The following HS6ST3 variants were observed in gnomAD, a reference collection of about 807,000 sequenced individuals.
HS6ST3 encodes heparan-sulfate 6-O-sulfotransferase 3.
HS6ST3 carries 12 observed loss-of-function variants against 36.7 expected under a neutral mutation model. That is an observed-to-expected ratio of 0.33 (90% confidence interval 0.21 to 0.53). The LOEUF (loss-of-function observed/expected upper bound fraction) is 0.53, where lower values mean the gene tolerates loss of function less well. Among genes scored for constraint, HS6ST3 ranks in the 20% least tolerant of loss-of-function variants. The pLI, the probability that HS6ST3 is intolerant of heterozygous loss-of-function variation, is 0.95. For synonymous variants in HS6ST3, 240 were observed against 257.5 expected (o/e 0.93, Z 0.65); for missense variants, 584 against 640.9 (o/e 0.91, Z 0.96).
chr13:96,582,473 T>C (rs1165991690), intron 1 of HS6ST3, among the ~76,000 whole-genome samples: 2 of 152,208 alleles, frequency 1.3e-5, no homozygotes, highest in East Asian at 3.8e-4. Context: ...CAAGATCTTG[T>C]ACTTGAGATT....
chr13:96,820,283 G>GT (rs1878504099), intron 1 of HS6ST3, among the ~76,000 whole-genome samples: 1 of 152,134 alleles, frequency 6.6e-6, no homozygotes, highest in African/African-American at 2.4e-5. Context: ...GCTTTAGGTT[G>GT]TTTTTTAAAT....
chr13:96,624,371 TA>T (rs139603714), intron 1 of HS6ST3, among the ~76,000 whole-genome samples: 1,642 of 152,332 alleles, frequency 0.011, 21 homozygotes, highest in African/African-American at 0.025. Context: ...ATAAACCATA[TA>T]TTTTTTTTAG....
At chr13:96,194,533 A>C (rs2054303176) in intron 1 of HS6ST3, among the ~76,000 whole-genome samples, 2 of 152,150 alleles carry the variant, frequency 1.3e-5, no homozygotes, top group African/African-American at 4.8e-5. Context: ...ATATCTTGAT[A>C]TACATCTACA....
At position 96,815,207 on chromosome 13, in the gene HS6ST3, C is replaced by T. The variant is rs574055146; in HGVS notation, c.708-17283C>T. On this transcript the variant is annotated intron_variant, in intron 1 of 1. Transcript: ENST00000376705. ...ACACCGTGCCAGGCCTCTTCTCTTT[C>T]GTCTGGAAGTCTCAGCTGTTTTTTG... is the stretch of plus-strand genomic sequence containing the variant. Among the ~76,000 whole-genome samples the T allele has an allele frequency of 3.3e-5, 5 of 152,296 alleles. No homozygotes were observed. In the East Asian group the frequency reaches 5.8e-4, roughly 18 times the overall value.
chr13:96,405,997 A>G (rs2055476548), intron 1 of HS6ST3, among the ~76,000 whole-genome samples: 1 of 152,196 alleles, frequency 6.6e-6, no homozygotes, highest in African/African-American at 2.4e-5. Flanking sequence ...ACTTTGGAGA[A>G]TGCTTTTTAT....
At position 96,090,691 on chromosome 13, in the gene HS6ST3, A is replaced by C. The variant is rs2053756678; in HGVS notation, c.-172A>C. Reference sequence around the variant, plus strand: ...CCCGGCTCGCAGGCCCCGGCTCCTCAAGCCCCGAGGGCCGCGGGGCCGCCA... The same window carrying C: ...CCCGGCTCGCAGGCCCCGGCTCCTCCAGCCCCGAGGGCCGCGGGGCCGCCA... On this transcript the variant is annotated 5_prime_UTR_variant, in exon 1 of 2. Coordinates refer to ENST00000376705, the MANE Select transcript of HS6ST3 (RefSeq NM_153456.4). The C allele has an allele frequency of 3.7e-6, 1 of 266,958 alleles. No homozygotes were observed. The highest frequency in any genetic ancestry group is 2.3e-5 in the African/African-American group (1 of 43,134). The allele number at this position is 266,958 out of a possible 1,614,324, so 16.5% of individuals were successfully genotyped here.
intron 1 of HS6ST3, among the ~76,000 whole-genome samples, chr13:96,765,329 C>G (rs1877079758): frequency 6.6e-6 from 1 of 152,054 alleles, no homozygotes; most frequent in Non-Finnish European, 1.5e-5. Context: ...TCCTTGGCCT[C>G]CCAAAGTGCT....
chr13:96,768,361 C>G (rs67817597), intron 1 of HS6ST3, among the ~76,000 whole-genome samples: 5,273 of 152,170 alleles, frequency 0.035, 288 homozygotes, highest in African/African-American at 0.11. Context: ...AAAGTAATTG[C>G]CGACAGTGAT....
intron 1 of HS6ST3, among the ~76,000 whole-genome samples, chr13:96,537,030 C>T (rs2056158254): frequency 6.6e-6 from 1 of 152,182 alleles, no homozygotes; most frequent in Admixed American, 6.5e-5. Context: ...GAATAAAGCA[C>T]TTCTCTCTTG....
chr13:96,825,482 T>C (rs759204411), intron 1 of HS6ST3, among the ~76,000 whole-genome samples: 9 of 152,146 alleles, frequency 5.9e-5, no homozygotes, highest in Non-Finnish European at 1.3e-4. Context: ...GGCGGGTGCA[T>C]GGCATTTCCT....
intron 1 of HS6ST3, among the ~76,000 whole-genome samples, chr13:96,804,597 C>T (rs1594864306): frequency 6.6e-6 from 1 of 152,212 alleles, no homozygotes; most frequent in East Asian, 1.9e-4. Flanking sequence ...CTTAGGTTAC[C>T]TACAAAACCT....
At chr13:96,288,944 G>T (rs1015188541) in intron 1 of HS6ST3, among the ~76,000 whole-genome samples, 21 of 151,946 alleles carry the variant, frequency 1.4e-4, no homozygotes, top group Admixed American at 1.3e-4. Context: ...GGCTAGAATT[G>T]ATGAGGGAAG....
At chr13:96,639,091 T>C (rs2056561072) in intron 1 of HS6ST3, among the ~76,000 whole-genome samples, 2 of 152,018 alleles carry the variant, frequency 1.3e-5, no homozygotes, top group South Asian at 2.1e-4. Flanking sequence ...TGTAGAGTTA[T>C]TCAAGATTTC....
chr13:96,293,322 C>A (rs1452451528), intron 1 of HS6ST3, among the ~76,000 whole-genome samples: 2 of 151,968 alleles, frequency 1.3e-5, no homozygotes, highest in Admixed American at 6.6e-5. Flanking sequence ...AGAATAAGGG[C>A]CATAAGTGGA....
chr13:96,427,696 T>C (rs1158437193), intron 1 of HS6ST3, among the ~76,000 whole-genome samples: 32 of 152,326 alleles, frequency 2.1e-4, no homozygotes, highest in Non-Finnish European at 4.4e-5. Context: ...AACTGAGAAA[T>C]CTACATTGGT....
At chr13:96,260,149 CA>C (rs546152117) in intron 1 of HS6ST3, among the ~76,000 whole-genome samples, 1 of 152,212 alleles carries the variant, frequency 6.6e-6, no homozygotes, top group South Asian at 2.1e-4. Flanking sequence ...TTGCTTGAAT[CA>C]TTTGATCACT....
chr13:96,520,479 A>G (rs530032647), intron 1 of HS6ST3, among the ~76,000 whole-genome samples: 54 of 152,324 alleles, frequency 3.5e-4, no homozygotes, highest in African/African-American at 1.2e-3. Context: ...GATTCTTCCT[A>G]TCCATAAGCA....
At chr13:96,303,250 C>T (rs934844815) in intron 1 of HS6ST3, among the ~76,000 whole-genome samples, 48 of 152,218 alleles carry the variant, frequency 3.2e-4, no homozygotes, top group African/African-American at 1.0e-3. Context: ...ATATTGAATT[C>T]GCACGGCTAA....
chr13:96,300,269 C>G (rs2054875538), intron 1 of HS6ST3, among the ~76,000 whole-genome samples: 1 of 151,776 alleles, frequency 6.6e-6, no homozygotes, highest in Admixed American at 6.6e-5. Context: ...GTTGGCCAGG[C>G]TGGTCTCAAA....
Sources: allele counts gnomAD v4.1 joint callset (sites outside exome capture counted in the v4.1 genomes callset), GRCh38; gene constraint gnomAD v4.1.1; transcripts MANE v1.5; gene names NCBI Gene and HGNC (gene_info 2026-07-23, HGNC 2026-07-21).